The following NPAS3 variants were observed in gnomAD, a reference collection of about 807,000 sequenced individuals.
NPAS3 encodes neuronal PAS domain protein 3, also known as neuronal PAS domain-containing protein 3.
In NPAS3, 14 loss-of-function variants were observed where a neutral mutation model predicts 73.1. The observed-to-expected ratio is 0.19, with a 90% confidence interval of 0.13 to 0.30. NPAS3 has a LOEUF of 0.30. Ranked by LOEUF, NPAS3 falls within the 10% of genes least tolerant of loss-of-function variation. The pLI is 1.00. For synonymous variants in NPAS3, 620 were observed against 541.5 expected, an observed-to-expected ratio of 1.14 and a Z score of -2.01; for missense variants, 1,096 against 1,250.0, an observed-to-expected ratio of 0.88 and a Z score of 1.86.
chr14:33,685,379 C>G (rs2060060962), intron 6 of NPAS3, among the ~76,000 whole-genome samples: 1 of 152,204 alleles, frequency 6.6e-6, no homozygotes. Flanking sequence ...TATTTAGGAA[C>G]ACATTGCTTT....
At chr14:33,152,576 C>T (rs2044488983) in intron 2 of NPAS3, among the ~76,000 whole-genome samples, 1 of 152,054 alleles carries the variant, frequency 6.6e-6, no homozygotes, top group African/African-American at 2.4e-5. Flanking sequence ...GATTTAATTT[C>T]TAAAAATGTC....
intron 4 of NPAS3, among the ~76,000 whole-genome samples, chr14:33,501,374 TATTAAAAGGTGG>T (rs1007763397): frequency 6.6e-6 from 1 of 151,926 alleles, no homozygotes; most frequent in African/African-American, 2.4e-5. Flanking sequence ...GGGGCAGTAG[TATTAAAAGGTGG>T]ATTTGAAATC....
intron 1 of NPAS3, among the ~76,000 whole-genome samples, chr14:33,014,440 C>T (rs1442516296): frequency 6.6e-6 from 1 of 152,126 alleles, no homozygotes; most frequent in Non-Finnish European, 1.5e-5. Context: ...TCAAATGTCA[C>T]AATTGTAATA....
intron 4 of NPAS3, among the ~76,000 whole-genome samples, chr14:33,467,116 G>A (rs1416607955): frequency 6.6e-6 from 1 of 152,150 alleles, no homozygotes; most frequent in Non-Finnish European, 1.5e-5. Context: ...CCAGAACCGC[G>A]TGAGTGACTG....
At chr14:32,958,777 T>C (rs1340149426) in intron 1 of NPAS3, among the ~76,000 whole-genome samples, 1 of 152,212 alleles carries the variant, frequency 6.6e-6, no homozygotes, top group African/African-American at 2.4e-5. Context: ...CAGTATATTA[T>C]ACATGAAATG....
intron 4 of NPAS3, among the ~76,000 whole-genome samples, chr14:33,398,298 C>T (rs2047308203): frequency 6.6e-6 from 1 of 151,884 alleles, no homozygotes; most frequent in Non-Finnish European, 1.5e-5. Flanking sequence ...GCCCAATTCC[C>T]TTCTGCTATT....
intron 1 of NPAS3, among the ~76,000 whole-genome samples, chr14:33,029,188 A>G (rs1366745319): frequency 6.6e-6 from 1 of 152,216 alleles, no homozygotes; most frequent in East Asian, 1.9e-4. Context: ...CATTTTTCAC[A>G]GCACCACTGG....
chr14:33,462,360 T>C (rs1046457302), intron 4 of NPAS3, among the ~76,000 whole-genome samples: 1 of 152,222 alleles, frequency 6.6e-6, no homozygotes, highest in Non-Finnish European at 1.5e-5. Flanking sequence ...CAAGGATAAT[T>C]GAACTCTCTG....
chr14:33,481,555 T>C (rs2051325080), intron 4 of NPAS3, among the ~76,000 whole-genome samples: 1 of 152,162 alleles, frequency 6.6e-6, no homozygotes, highest in Non-Finnish European at 1.5e-5. Context: ...ATTAATTAGA[T>C]CATTTACTGA....
At chr14:33,669,070 A>G (rs1052441707) in intron 5 of NPAS3, among the ~76,000 whole-genome samples, 2 of 152,228 alleles carry the variant, frequency 1.3e-5, no homozygotes, top group Non-Finnish European at 2.9e-5. Context: ...CTATGCCAAT[A>G]TCAAGGATTT....
intron 4 of NPAS3, among the ~76,000 whole-genome samples, chr14:33,544,509 G>C (rs1019869815): frequency 1.3e-5 from 2 of 151,768 alleles, no homozygotes; most frequent in African/African-American, 4.8e-5. Flanking sequence ...CGAAGACAGA[G>C]AGAGCGCTCT....
chr14:33,675,145 C>T (rs148502335), intron 5 of NPAS3, among the ~76,000 whole-genome samples: 4 of 152,212 alleles, frequency 2.6e-5, no homozygotes, highest in South Asian at 4.2e-4. Context: ...CATTGCACTC[C>T]GGAGGACCGG....
intron 1 of NPAS3, among the ~76,000 whole-genome samples, chr14:33,024,713 A>G (rs946372817): frequency 6.6e-6 from 1 of 152,220 alleles, no homozygotes; most frequent in Non-Finnish European, 1.5e-5. Context: ...ACCTAAGACT[A>G]TAGAAATACA....
chr14:33,112,294 A>C (rs1430388195), intron 2 of NPAS3, among the ~76,000 whole-genome samples: 1 of 152,182 alleles, frequency 6.6e-6, no homozygotes, highest in East Asian at 1.9e-4. Flanking sequence ...CAACAGTGTA[A>C]AAGTGTTCCT....
chr14:32,938,056 G>A (rs1242380606), upstream of NPAS3, among the ~76,000 whole-genome samples: 2 of 152,104 alleles, frequency 1.3e-5, no homozygotes, highest in East Asian at 1.9e-4. Context: ...GACCCGAGTC[G>A]GGAGGGGCTT....
intron 4 of NPAS3, among the ~76,000 whole-genome samples, chr14:33,545,572 A>G (rs1224849258): frequency 6.6e-6 from 1 of 152,202 alleles, no homozygotes; most frequent in East Asian, 1.9e-4. Context: ...GTCCTTTTGC[A>G]TTACAGCCTG....
chr14:33,278,218 C>T (rs1041356573), intron 3 of NPAS3, among the ~76,000 whole-genome samples: 4 of 152,044 alleles, frequency 2.6e-5, no homozygotes, highest in African/African-American at 9.7e-5. Flanking sequence ...CACAAGTTAA[C>T]TTTAAGGAGA....
chr14:33,071,711 G>T (rs2041490825), intron 2 of NPAS3, among the ~76,000 whole-genome samples: 1 of 152,096 alleles, frequency 6.6e-6, no homozygotes, highest in South Asian at 2.1e-4. Flanking sequence ...TTAATTTTAT[G>T]TATCACTTAA....
chr14:33,698,566 A>AACTT (rs1352533230), intron 6 of NPAS3, among the ~76,000 whole-genome samples: 1 of 152,172 alleles, frequency 6.6e-6, no homozygotes, highest in Non-Finnish European at 1.5e-5. Context: ...ACATTTTTGG[A>AACTT]ACTTAAACAC....
Sources: gnomAD v4.1 joint callset for allele counts (sites outside exome capture counted in the v4.1 genomes callset) on GRCh38, gnomAD v4.1.1 for gene constraint, MANE v1.5 for transcripts, NCBI Gene and HGNC (gene_info 2026-07-23, HGNC 2026-07-21) for gene names.